The following NRG1 variants were observed in gnomAD, a reference collection of about 807,000 sequenced individuals.
The protein encoded by NRG1 is pro-neuregulin-1, membrane-bound isoform.
Under a neutral mutation model 63.8 loss-of-function variants are expected in NRG1, and 18 were observed. The observed-to-expected ratio is 0.28, with a 90% CI of 0.19 to 0.42. The LOEUF (loss-of-function observed/expected upper bound fraction) is 0.42, where lower values mean the gene tolerates loss of function less well. NRG1 is among the 10% of genes least tolerant of loss of function. NRG1 has a pLI of 1.00. For synonymous variants in NRG1, 302 were observed against 301.3 expected (o/e 1.00, Z -0.02); for missense variants, 762 against 814.7 (o/e 0.94, Z 0.79).
At chr8:31,870,720 G>T (rs1563508847) in intron 1 of NRG1, among the ~76,000 whole-genome samples, 1 of 152,054 alleles carries the variant, frequency 6.6e-6, no homozygotes, top group Non-Finnish European at 1.5e-5. Context: ...ACTTGAGAGG[G>T]TTTTATTTTT....
intron 1 of NRG1, among the ~76,000 whole-genome samples, chr8:31,924,216 G>A (rs11998431): frequency 0.026 from 3,893 of 151,740 alleles, 169 homozygotes; most frequent in African/African-American, 0.089. Context: ...CTAACCGGGC[G>A]TAGTGGTGCA....
At chr8:32,362,918 A>C (rs2129481815) in intron 1 of NRG1, among the ~76,000 whole-genome samples, 1 of 152,266 alleles carries the variant, frequency 6.6e-6, no homozygotes, top group East Asian at 1.9e-4. Context: ...CCAGACAAGG[A>C]AGGAATTACG....
At chr8:32,281,138 T>C (rs1438668626) in intron 1 of NRG1, among the ~76,000 whole-genome samples, 1 of 150,800 alleles carries the variant, frequency 6.6e-6, no homozygotes, top group Non-Finnish European at 1.5e-5. Context: ...AATTATTTTG[T>C]TACCCAGGTG....
At chr8:32,681,311 G>T in intron 5 of NRG1, among the ~76,000 whole-genome samples, 1 of 152,080 alleles carries the variant, frequency 6.6e-6, no homozygotes, top group East Asian at 1.9e-4. Flanking sequence ...CAAAGCAAAA[G>T]GTTCTTTACG....
chr8:32,182,419 G>A (rs1841532707), intron 1 of NRG1, among the ~76,000 whole-genome samples: 1 of 152,138 alleles, frequency 6.6e-6, no homozygotes, highest in East Asian at 1.9e-4. Context: ...GCTAATTTTT[G>A]TATTTTTAGT....
At chr8:32,370,371 A>G (rs1808651606) in intron 1 of NRG1, among the ~76,000 whole-genome samples, 2 of 152,188 alleles carry the variant, frequency 1.3e-5, no homozygotes. Context: ...ATGGACTGTT[A>G]CGAGAGCAAA....
At chr8:32,341,049 G>C (rs569463013) in intron 1 of NRG1, among the ~76,000 whole-genome samples, 3 of 152,104 alleles carry the variant, frequency 2.0e-5, no homozygotes, top group Non-Finnish European at 2.9e-5. Context: ...TGACAATAAC[G>C]AAACATGAGA....
chr8:32,462,765 G>A (rs554196086), intron 1 of NRG1, among the ~76,000 whole-genome samples: 5 of 151,828 alleles, frequency 3.3e-5, no homozygotes, highest in South Asian at 2.1e-4. Context: ...CACCATGCCC[G>A]GCTAACTTTT....
chr8:31,905,777 C>T lies in NRG1; in HGVS notation c.37+266346C>T, dbSNP rs538011696. ...ATGTACAAATTTGAAAAACAACAGC[C>T]GCCTAGTAGACACTCAGAATTTCTG... On this transcript the variant is annotated intron_variant, in intron 1 of 10. Coordinates refer to the NRG1 transcript ENST00000519301. Among the ~76,000 whole-genome samples the T allele has an allele frequency of 6.2e-4, 95 of 152,214 alleles. 1 individual carries two copies. In the South Asian group the frequency reaches 0.016, roughly 26 times the overall value.
chr8:32,097,821 T>C (rs1441220141), intron 1 of NRG1, among the ~76,000 whole-genome samples: 2 of 152,208 alleles, frequency 1.3e-5, no homozygotes, highest in Admixed American at 6.5e-5. Flanking sequence ...GAATATTTTA[T>C]GTGGTATTTT....
intron 1 of NRG1, among the ~76,000 whole-genome samples, chr8:31,827,855 A>T (rs1824719606): frequency 6.6e-6 from 1 of 152,218 alleles, no homozygotes; most frequent in African/African-American, 2.4e-5. Context: ...TTCTGTGTGC[A>T]GGCTGGTCTA....
chr8:32,667,969 T>A (rs1206427423), intron 5 of NRG1, among the ~76,000 whole-genome samples: 1 of 152,038 alleles, frequency 6.6e-6, no homozygotes, highest in Non-Finnish European at 1.5e-5. Flanking sequence ...TCTCAGCACT[T>A]TGGGAGGCCG....
At chr8:32,313,816 G>A (rs993431696) in intron 1 of NRG1, among the ~76,000 whole-genome samples, 1 of 152,210 alleles carries the variant, frequency 6.6e-6, no homozygotes, top group Admixed American at 6.5e-5. Flanking sequence ...TCTCTTTTAA[G>A]TTTCTCTTCC....
At chr8:31,657,714 A>G (rs565744780) in intron 1 of NRG1, among the ~76,000 whole-genome samples, 6 of 152,228 alleles carry the variant, frequency 3.9e-5, no homozygotes, top group Admixed American at 3.9e-4. Flanking sequence ...ACATGTTTAC[A>G]TATCTTACGT....
intron 1 of NRG1, among the ~76,000 whole-genome samples, chr8:32,232,471 T>G (rs1414401032): frequency 1.3e-5 from 2 of 152,170 alleles, no homozygotes; most frequent in African/African-American, 4.8e-5. Context: ...GAAAATTTTA[T>G]GGATAGAGTA....
chr8:32,548,605 C>T, exon 1 of NRG1: 2 of 1,383,878 alleles, frequency 1.4e-6, no homozygotes, highest in South Asian at 1.6e-5. Context: ...GCGCGAGCGC[C>T]TCAGCGCGGC....
chr8:32,747,080 TC>T (rs1827584797), intron 7 of NRG1, among the ~76,000 whole-genome samples: 1 of 151,990 alleles, frequency 6.6e-6, no homozygotes, highest in Non-Finnish European at 1.5e-5. Context: ...ATGAATGACT[TC>T]CCGTGAAATG....
At position 31,912,741 on chromosome 8, in the gene NRG1, T is replaced by A. The variant is rs556382455; in HGVS notation, c.37+273310T>A. Among the ~76,000 whole-genome samples the A allele has an allele frequency of 2.0e-5, 3 of 152,144 alleles. No individual in the cohort carries two copies. In the South Asian group the frequency reaches 6.2e-4, roughly 32 times the overall value. ...TCTTGCTCCTTCCCTTAATTCCCCCTCCAGAGGGGAAACAGATATCTGTGA... is the reference window on the plus strand; with the variant it reads ...TCTTGCTCCTTCCCTTAATTCCCCCACCAGAGGGGAAACAGATATCTGTGA... On this transcript the variant is annotated intron_variant, in intron 1 of 10. Coordinates refer to the NRG1 transcript ENST00000519301.
chr8:32,354,710 T>C (rs1478502486), intron 1 of NRG1, among the ~76,000 whole-genome samples: 1 of 108,734 alleles, frequency 9.2e-6, no homozygotes, highest in Admixed American at 9.7e-5. Flanking sequence ...ATCTTGTCTC[T>C]AGTAAATAAA....
Sources: allele counts gnomAD v4.1 joint callset (sites outside exome capture counted in the v4.1 genomes callset), GRCh38; gene constraint gnomAD v4.1.1; transcripts MANE v1.5; gene names NCBI Gene and HGNC (gene_info 2026-07-23, HGNC 2026-07-21).